CNBD1: variants seen among roughly 807,000 people sequenced by gnomAD.
The protein encoded by CNBD1 is cyclic nucleotide binding domain containing 1, also known as cyclic nucleotide-binding domain-containing protein 1.
A neutral mutation model predicts 54.4 loss-of-function variants in CNBD1; 71 were observed. The observed-to-expected ratio is 1.30, with a 90% CI of 1.08 to 1.59. The LOEUF (loss-of-function observed/expected upper bound fraction) is 1.59, where lower values mean the gene tolerates loss of function less well. Among genes scored for constraint, CNBD1 ranks in the 40% most tolerant of loss-of-function variants. The probability of loss-of-function intolerance (pLI) is 0.00; values close to 1 mark genes in which losing one functional copy is unlikely to be tolerated. For missense variants in CNBD1, 659 were observed against 518.0 expected (o/e 1.27, Z -2.64); for synonymous variants, 182 against 170.7 (o/e 1.07, Z -0.51).
At chr8:87,238,315 C>G (rs1807623031) in intron 6 of CNBD1, among the ~76,000 whole-genome samples, 1 of 152,114 alleles carries the variant, frequency 6.6e-6, no homozygotes, top group African/African-American at 2.4e-5. Context: ...TGTGGAAACT[C>G]TACCCACTAC....
chr8:87,172,938 T>C (rs1359150779), intron 4 of CNBD1, among the ~76,000 whole-genome samples: 3 of 152,156 alleles, frequency 2.0e-5, no homozygotes, highest in Admixed American at 6.6e-5. Flanking sequence ...GGTTATTTTG[T>C]GGCCTTTCTC....
intron 6 of CNBD1, among the ~76,000 whole-genome samples, chr8:87,245,915 G>A (rs544572192): frequency 5.9e-5 from 9 of 151,810 alleles, no homozygotes; most frequent in African/African-American, 1.9e-4. Flanking sequence ...CAGTATTTAT[G>A]ATAAGAAAAC....
chr8:87,038,223 G>A (rs1215428552), intron 4 of CNBD1, among the ~76,000 whole-genome samples: 1 of 152,134 alleles, frequency 6.6e-6, no homozygotes, highest in Non-Finnish European at 1.5e-5. Flanking sequence ...TAATATTTAG[G>A]CTCAAGTTAA....
chr8:87,175,858 C>CT (rs2130772786), intron 4 of CNBD1, among the ~76,000 whole-genome samples: 1 of 152,284 alleles, frequency 6.6e-6, no homozygotes, highest in East Asian at 1.9e-4. Context: ...GCATTTCAGT[C>CT]TATGGTGGCC....
chr8:87,274,549 T>G (rs1395285961), intron 6 of CNBD1, among the ~76,000 whole-genome samples: 1 of 148,618 alleles, frequency 6.7e-6, no homozygotes, highest in Admixed American at 6.7e-5. Context: ...TCTTGTTTTT[T>G]GGCTACATAA....
chr8:87,364,364 T>G (rs1810592524), intron 10 of CNBD1, among the ~76,000 whole-genome samples: 1 of 151,962 alleles, frequency 6.6e-6, no homozygotes, highest in Admixed American at 6.6e-5. Flanking sequence ...GTTTATTTTG[T>G]AAGAAGAAGT....
intron 8 of CNBD1, among the ~76,000 whole-genome samples, chr8:87,334,145 C>G (rs1024215787): frequency 2.0e-5 from 3 of 152,086 alleles, no homozygotes; most frequent in African/African-American, 7.2e-5. Context: ...TTCATTTCTT[C>G]TAGATTTTCT....
At chr8:86,915,690 TG>T (rs1809172548) in intron 3 of CNBD1, among the ~76,000 whole-genome samples, 1 of 152,296 alleles carries the variant, frequency 6.6e-6, no homozygotes, top group Admixed American at 6.5e-5. Context: ...CCAGACAAGA[TG>T]TGTAAGAACT....
At chr8:87,293,857 C>T (rs1015380472) in intron 8 of CNBD1, among the ~76,000 whole-genome samples, 11 of 152,048 alleles carry the variant, frequency 7.2e-5, no homozygotes, top group African/African-American at 2.7e-4. Context: ...ATAGCATAAG[C>T]CAATATATGG....
intron 6 of CNBD1, among the ~76,000 whole-genome samples, chr8:87,255,795 T>C (rs910565643): frequency 6.6e-6 from 1 of 150,670 alleles, no homozygotes; most frequent in African/African-American, 2.4e-5. Flanking sequence ...ATTTTTCTTA[T>C]TTTTTAAAAT....
intron 8 of CNBD1, among the ~76,000 whole-genome samples, chr8:87,312,776 A>T (rs13258002): frequency 3.3e-5 from 5 of 151,708 alleles, no homozygotes; most frequent in East Asian, 2.0e-4. Flanking sequence ...TTCCATAAAA[A>T]TTTTTTTCTA....
At chr8:87,276,191 A>G (rs1808476994) in intron 6 of CNBD1, among the ~76,000 whole-genome samples, 1 of 151,856 alleles carries the variant, frequency 6.6e-6, no homozygotes, top group South Asian at 2.1e-4. Context: ...CTTATCACCT[A>G]CAATTAATGT....
chr8:87,253,975 A>G lies in CNBD1; in HGVS notation c.771+16863A>G, dbSNP rs111308862. On this transcript the variant is annotated intron_variant, in intron 6 of 10. Transcript: ENST00000518476. ...ATCATACACAAAGTAGAGGATAAAG[A>G]TCTCTAAATTAGAGGAGAGAAAAAG... Among the ~76,000 whole-genome samples, 9 of 152,350 alleles carry G rather than the reference A, an allele frequency of 5.9e-5. 1 individual carries two copies. Among genetic ancestry groups the G allele is most frequent in the African/African-American group, 2.2e-4 (9 of 41,580 alleles).
chr8:87,419,651 G>T (rs990222816), intron 2 of CNBD1, among the ~76,000 whole-genome samples: 3 of 151,852 alleles, frequency 2.0e-5, no homozygotes, highest in Non-Finnish European at 4.4e-5. Flanking sequence ...AATTGATACT[G>T]TAATCCCAGG....
chr8:87,387,430 A>C (rs1229763662), downstream of CNBD1, among the ~76,000 whole-genome samples: 1 of 152,174 alleles, frequency 6.6e-6, no homozygotes, highest in Non-Finnish European at 1.5e-5. Context: ...GCAAATGGAA[A>C]ACAAAAAAAG....
intron 10 of CNBD1, among the ~76,000 whole-genome samples, chr8:87,373,013 T>C (rs1004219508): frequency 4.0e-5 from 6 of 151,826 alleles, no homozygotes; most frequent in African/African-American, 9.7e-5. Context: ...TACATACTTA[T>C]ATGATATTTT....
intron 4 of CNBD1, among the ~76,000 whole-genome samples, chr8:87,191,604 C>T (rs1813611621): frequency 6.6e-6 from 1 of 152,142 alleles, no homozygotes; most frequent in African/African-American, 2.4e-5. Flanking sequence ...TTGGGTTGAG[C>T]ATTTTAAGGA....
chr8:87,365,962 A>G (rs2082205901), intron 10 of CNBD1, among the ~76,000 whole-genome samples: 1 of 152,050 alleles, frequency 6.6e-6, no homozygotes. Context: ...GATCACTCTT[A>G]AGTCATAAAA....
intron 8 of CNBD1, among the ~76,000 whole-genome samples, chr8:87,316,154 C>A (rs766392865): frequency 4.0e-5 from 6 of 151,812 alleles, no homozygotes; most frequent in Non-Finnish European, 8.8e-5. Flanking sequence ...ATAAATAAAG[C>A]ATAACATACA....
Sources: allele counts gnomAD v4.1 joint callset (sites outside exome capture counted in the v4.1 genomes callset), GRCh38; gene constraint gnomAD v4.1.1; transcripts MANE v1.5; gene names NCBI Gene and HGNC (gene_info 2026-07-23, HGNC 2026-07-21).